The following RIT2 variants were observed in gnomAD, a reference collection of about 807,000 sequenced individuals.
RIT2 encodes the protein GTP-binding protein Rit2.
In RIT2, 24 loss-of-function variants were observed where a neutral mutation model predicts 23.7. The observed-to-expected ratio is 1.01, with a 90% confidence interval of 0.73 to 1.43. The LOEUF (loss-of-function observed/expected upper bound fraction) is 1.43. Among genes scored for constraint, RIT2 ranks in the 40% most tolerant of loss-of-function variants. The pLI is 0.00. For missense variants in RIT2, 236 were observed against 266.9 expected, an observed-to-expected ratio of 0.88 and a Z score of 0.81; for synonymous variants, 107 against 91.1, an observed-to-expected ratio of 1.17 and a Z score of -0.99.
At chr18:43,089,339 G>T (rs545607411) in intron 1 of RIT2, among the ~76,000 whole-genome samples, 1 of 151,892 alleles carries the variant, frequency 6.6e-6, no homozygotes, top group East Asian at 1.9e-4. Flanking sequence ...CCATAAAAAA[G>T]AATAAAATAC....
At chr18:42,893,030 C>A (rs1455791058) in intron 4 of RIT2, among the ~76,000 whole-genome samples, 4 of 152,044 alleles carry the variant, frequency 2.6e-5, no homozygotes, top group Non-Finnish European at 5.9e-5. Flanking sequence ...GTCCTAAAAT[C>A]CAAAGCCCAC....
At chr18:42,929,034 G>GATAGATATAT (rs1555647354) in intron 3 of RIT2, among the ~76,000 whole-genome samples, 2 of 96,956 alleles carry the variant, frequency 2.1e-5, no homozygotes, top group East Asian at 4.9e-4. Flanking sequence ...AAAATATGGA[G>GATAGATATAT]ATATATATAT....
chr18:42,863,801 C>T (rs986524264), intron 4 of RIT2, among the ~76,000 whole-genome samples: 1 of 152,018 alleles, frequency 6.6e-6, no homozygotes, highest in African/African-American at 2.4e-5. Flanking sequence ...GAATCTCAAG[C>T]CATAATACAG....
At chr18:42,871,283 T>C (rs927522216) in intron 4 of RIT2, among the ~76,000 whole-genome samples, 4 of 152,218 alleles carry the variant, frequency 2.6e-5, no homozygotes, top group Admixed American at 1.3e-4. Flanking sequence ...AAAAACTACA[T>C]TTTAAACTAT....
chr18:43,090,519 T>G (rs7240253), intron 1 of RIT2, among the ~76,000 whole-genome samples: 141,307 of 152,110 alleles, frequency 0.93, 66,450 homozygotes, highest in East Asian at 1. Context: ...CCATTATTGG[T>G]TATATACCCA....
At chr18:42,766,027 G>A (rs532091923) in intron 4 of RIT2, among the ~76,000 whole-genome samples, 64 of 152,220 alleles carry the variant, frequency 4.2e-4, no homozygotes, top group African/African-American at 1.3e-3. Flanking sequence ...GGAACTGTAA[G>A]TCCAATTAAA....
intron 4 of RIT2, among the ~76,000 whole-genome samples, chr18:42,811,875 C>A (rs1225201855): frequency 6.6e-6 from 1 of 151,972 alleles, no homozygotes; most frequent in East Asian, 1.9e-4. Flanking sequence ...TCAGAGAATG[C>A]AAAGATCTAG....
At chr18:42,926,146 G>A (rs1156680736) in intron 3 of RIT2, among the ~76,000 whole-genome samples, 1 of 151,610 alleles carries the variant, frequency 6.6e-6, no homozygotes, top group Admixed American at 6.6e-5. Flanking sequence ...TTACTTTTGA[G>A]AAATATTGCC....
At chr18:42,986,652 C>T (rs1032850407) in intron 2 of RIT2, among the ~76,000 whole-genome samples, 1 of 151,960 alleles carries the variant, frequency 6.6e-6, no homozygotes, top group East Asian at 1.9e-4. Context: ...TAGGTGTGTG[C>T]AACCGTGCCC....
At chr18:43,107,930 G>A (rs774591869) in intron 1 of RIT2, among the ~76,000 whole-genome samples, 31 of 151,800 alleles carry the variant, frequency 2.0e-4, no homozygotes, top group Non-Finnish European at 4.0e-4. Flanking sequence ...TTGGAAGTCC[G>A]AGGCGGGTGG....
intron 4 of RIT2, among the ~76,000 whole-genome samples, chr18:42,885,790 C>T (rs902413161): frequency 2.0e-5 from 3 of 152,124 alleles, no homozygotes; most frequent in Non-Finnish European, 2.9e-5. Context: ...AAAGGTTTAA[C>T]ACATATTTGC....
chr18:42,743,834 T>C (rs187523007), intron 4 of RIT2, 114 bp from the exon 5 acceptor site: 2 of 739,046 alleles, frequency 2.7e-6, no homozygotes, highest in African/African-American at 1.8e-5. Context: ...CAAGCCATCG[T>C]ATCCCCTGTG....
intron 1 of RIT2, among the ~76,000 whole-genome samples, chr18:43,041,255 G>A (rs999095283): frequency 6.6e-6 from 1 of 151,914 alleles, no homozygotes; most frequent in Non-Finnish European, 1.5e-5. Context: ...GAAGACATTG[G>A]GTCTGAATAT....
At chr18:43,039,298 C>T (rs1371499242) in intron 1 of RIT2, among the ~76,000 whole-genome samples, 1 of 151,924 alleles carries the variant, frequency 6.6e-6, no homozygotes, top group South Asian at 2.1e-4. Flanking sequence ...TCCTGCACAA[C>T]CACAGCCTTG....
chr18:42,756,810 A>G (rs948782926), intron 4 of RIT2, among the ~76,000 whole-genome samples: 7 of 152,128 alleles, frequency 4.6e-5, no homozygotes, highest in Admixed American at 3.3e-4. Flanking sequence ...CCATTTTAAC[A>G]TGGCCTAAAA....
chr18:42,775,472 G>A (rs374827249), intron 4 of RIT2, among the ~76,000 whole-genome samples: 6 of 151,926 alleles, frequency 3.9e-5, no homozygotes, highest in East Asian at 3.9e-4. Flanking sequence ...CGAGGCAGGC[G>A]GATCACAAGG....
At chr18:42,814,301 T>A (rs1905933099) in intron 4 of RIT2, among the ~76,000 whole-genome samples, 1 of 152,138 alleles carries the variant, frequency 6.6e-6, no homozygotes, top group African/African-American at 2.4e-5. Context: ...CTATTGCAGC[T>A]GGGAGGCAAG....
chr18:43,005,875 T>C (rs983218046), intron 2 of RIT2, among the ~76,000 whole-genome samples: 4 of 151,674 alleles, frequency 2.6e-5, no homozygotes, highest in Admixed American at 6.6e-5. Context: ...GAAAGCGTCT[T>C]GGAGAATAGT....
intron 4 of RIT2, among the ~76,000 whole-genome samples, chr18:42,750,415 T>C (rs1434378911): frequency 6.6e-6 from 1 of 151,878 alleles, no homozygotes; most frequent in Non-Finnish European, 1.5e-5. Context: ...TCTATACTTA[T>C]AATTTGTCTG....
Sources: gnomAD v4.1 joint callset for allele counts (sites outside exome capture counted in the v4.1 genomes callset) on GRCh38, gnomAD v4.1.1 for gene constraint, MANE v1.5 for transcripts, NCBI Gene and HGNC (gene_info 2026-07-23, HGNC 2026-07-21) for gene names.